The following HS6ST3 variants were observed in gnomAD, a reference collection of about 807,000 sequenced individuals.
The protein encoded by HS6ST3 is heparan-sulfate 6-O-sulfotransferase 3.
In HS6ST3, 12 loss-of-function variants were observed where a neutral mutation model predicts 36.7. The ratio of observed to expected loss-of-function variants is 0.33; its 90% CI spans 0.21 to 0.53. The LOEUF is 0.53. Ranked by LOEUF, HS6ST3 falls within the 20% of genes least tolerant of loss-of-function variation. The probability of loss-of-function intolerance (pLI) is 0.95; values close to 1 mark genes in which losing one functional copy is unlikely to be tolerated. For synonymous variants in HS6ST3, 240 were observed against 257.5 expected (o/e 0.93, Z 0.65); for missense variants, 584 against 640.9 (o/e 0.91, Z 0.96).
chr13:96,712,240 G>C (rs897607666), intron 1 of HS6ST3, among the ~76,000 whole-genome samples: 2 of 152,214 alleles, frequency 1.3e-5, no homozygotes, highest in African/African-American at 4.8e-5. Context: ...GAATCAAATG[G>C]AGGTGAATGG....
chr13:96,706,386 T>C (rs1156792585), intron 1 of HS6ST3, among the ~76,000 whole-genome samples: 1 of 142,052 alleles, frequency 7.0e-6, no homozygotes, highest in East Asian at 2.0e-4. Context: ...AGAAAAATTA[T>C]ATATATAAAA....
intron 1 of HS6ST3, among the ~76,000 whole-genome samples, chr13:96,263,995 C>A (rs896129042): frequency 6.6e-6 from 1 of 152,142 alleles, no homozygotes; most frequent in Non-Finnish European, 1.5e-5. Context: ...CACTCTCTGG[C>A]CCACCTTCCA....
chr13:96,398,803 C>G (rs1246543259), intron 1 of HS6ST3, among the ~76,000 whole-genome samples: 1 of 152,202 alleles, frequency 6.6e-6, no homozygotes, highest in Admixed American at 6.5e-5. Flanking sequence ...ATATGATATA[C>G]TGTATAAGAC....
rs1207672984 is a variant in HS6ST3, at chr13:96,245,449, TC to T, written c.707+153882del. Among the ~76,000 whole-genome samples the T allele has an allele frequency of 3.3e-5, 5 of 152,316 alleles. No homozygotes were observed. The East Asian group carries it at 9.7e-4, about 29-fold the overall frequency. On this transcript the variant is annotated intron_variant, in intron 1 of 1. Transcript: ENST00000376705. Reference sequence around the variant, plus strand: ...AGGTAATAGCTGTCAATTCAGAGTTTCCTCGGCCCATTCATGGTGTCTACTT... The same window carrying T: ...AGGTAATAGCTGTCAATTCAGAGTTTCTCGGCCCATTCATGGTGTCTACTT...
At chr13:96,352,534 G>T (rs1157563886) in intron 1 of HS6ST3, among the ~76,000 whole-genome samples, 1 of 152,126 alleles carries the variant, frequency 6.6e-6, no homozygotes, top group Non-Finnish European at 1.5e-5. Flanking sequence ...GTCTTCTATG[G>T]CCTAGTTTTG....
intron 1 of HS6ST3, among the ~76,000 whole-genome samples, chr13:96,489,375 AAC>A (rs67334904): frequency 0.66 from 97,759 of 147,948 alleles, 34,990 homozygotes; most frequent in Non-Finnish European, 0.79. Context: ...TGTATATACA[AAC>A]ACACACACAC....
At chr13:96,410,671 A>C (rs1023418783) in intron 1 of HS6ST3, among the ~76,000 whole-genome samples, 1 of 152,196 alleles carries the variant, frequency 6.6e-6, no homozygotes, top group African/African-American at 2.4e-5. Flanking sequence ...TCAATGTAAT[A>C]TTAGTTAACC....
chr13:96,657,075 A>T (rs1267409648), intron 1 of HS6ST3, among the ~76,000 whole-genome samples: 1 of 151,158 alleles, frequency 6.6e-6, no homozygotes, highest in East Asian at 2.0e-4. Flanking sequence ...CACACCTGGG[A>T]TGTGCCTCAA....
rs191689900 is a variant in HS6ST3 at position 96,675,042 on chromosome 13, G to A, written c.708-157448G>A. Among the ~76,000 whole-genome samples, 45 of 152,208 alleles carry A rather than the reference G, an allele frequency of 3.0e-4. No individual in the cohort carries two copies. In the East Asian group the frequency reaches 4.8e-3, roughly 16 times the overall value. On this transcript the variant is annotated intron_variant, in intron 1 of 1. Transcript: ENST00000376705. ...CATCCATTCCAGCTTTTGCTGTGCT[G>A]TGCTCAGTCTAAGTTCAGGCCTGCA...
At chr13:96,631,936 A>G (rs1395970414) in intron 1 of HS6ST3, among the ~76,000 whole-genome samples, 3 of 152,170 alleles carry the variant, frequency 2.0e-5, no homozygotes, top group African/African-American at 7.2e-5. Context: ...GTGTCTGGAA[A>G]TCTATGCAAG....
intron 1 of HS6ST3, among the ~76,000 whole-genome samples, chr13:96,312,457 G>A (rs1566320339): frequency 6.6e-6 from 1 of 151,940 alleles, no homozygotes; most frequent in Admixed American, 6.6e-5. Context: ...ATAAATTATA[G>A]TTTGTTAATT....
chr13:96,794,582 G>A (rs566763348), intron 1 of HS6ST3, among the ~76,000 whole-genome samples: 1 of 152,018 alleles, frequency 6.6e-6, no homozygotes, highest in Non-Finnish European at 1.5e-5. Context: ...TAAGATATTT[G>A]GCCAAGTGTG....
At chr13:96,236,878 C>T (rs1371318340) in intron 1 of HS6ST3, among the ~76,000 whole-genome samples, 2 of 152,180 alleles carry the variant, frequency 1.3e-5, no homozygotes, top group Non-Finnish European at 2.9e-5. Flanking sequence ...ACTCCATTCT[C>T]ATGCTGCTTT....
chr13:96,413,233 G>T (rs1249858864), intron 1 of HS6ST3, among the ~76,000 whole-genome samples: 1 of 152,188 alleles, frequency 6.6e-6, no homozygotes, highest in African/African-American at 2.4e-5. Context: ...GTTTCATACT[G>T]CCATGAGTAT....
At chr13:96,611,502 A>T (rs1365736953) in intron 1 of HS6ST3, among the ~76,000 whole-genome samples, 1 of 152,190 alleles carries the variant, frequency 6.6e-6, no homozygotes. Flanking sequence ...TATGACCTCT[A>T]CCTTCAAAGA....
intron 1 of HS6ST3, among the ~76,000 whole-genome samples, chr13:96,771,607 G>A (rs1163507860): frequency 3.3e-5 from 5 of 152,146 alleles, no homozygotes; most frequent in South Asian, 2.1e-4. Flanking sequence ...ATTTAGGAGC[G>A]TTGTAATAAA....
chr13:96,299,043 C>T (rs911099352), intron 1 of HS6ST3, among the ~76,000 whole-genome samples: 6 of 152,068 alleles, frequency 3.9e-5, no homozygotes, highest in African/African-American at 1.2e-4. Context: ...GGATCTTTTA[C>T]GCTAGGGAAA....
At chr13:96,635,618 A>G (rs916130518) in intron 1 of HS6ST3, among the ~76,000 whole-genome samples, 1 of 152,178 alleles carries the variant, frequency 6.6e-6, no homozygotes, top group Non-Finnish European at 1.5e-5. Flanking sequence ...GTATACAAAT[A>G]TTATGCTTAT....
chr13:96,744,252 A>G (rs1876511055), intron 1 of HS6ST3, among the ~76,000 whole-genome samples: 1 of 152,044 alleles, frequency 6.6e-6, no homozygotes, highest in African/African-American at 2.4e-5. Context: ...TATGAATTCA[A>G]ATTACAAGTC....
Sources: allele counts gnomAD v4.1 joint callset (sites outside exome capture counted in the v4.1 genomes callset), GRCh38; gene constraint gnomAD v4.1.1; transcripts MANE v1.5; gene names NCBI Gene and HGNC (gene_info 2026-07-23, HGNC 2026-07-21).